The following GDPD1 variants were observed in gnomAD, a reference collection of about 807,000 sequenced individuals.
GDPD1 encodes the protein glycerophosphodiester phosphodiesterase domain containing 1, also known as lysophospholipase D GDPD1.
GDPD1 carries 28 observed loss-of-function variants against 45.1 expected under a neutral mutation model. The observed-to-expected ratio is 0.62, with a 90% CI of 0.46 to 0.85. GDPD1 has a LOEUF of 0.85. GDPD1 is among the 40% of genes least tolerant of loss of function. GDPD1 has a pLI of 0.00. For synonymous variants in GDPD1, 139 were observed against 131.4 expected, an observed-to-expected ratio of 1.06 and a Z score of -0.40; for missense variants, 256 against 364.8, an observed-to-expected ratio of 0.70 and a Z score of 2.43.
intron 4 of GDPD1, among the ~76,000 whole-genome samples, chr17:59,250,217 T>G (rs2047242460): frequency 6.6e-6 from 1 of 152,224 alleles, no homozygotes; most frequent in African/African-American, 2.4e-5. Flanking sequence ...CTTGCCAAAC[T>G]ATTGTAATAT....
At chr17:59,273,295 T>G (rs1042425776) in intron 9 of GDPD1, among the ~76,000 whole-genome samples, 1 of 151,996 alleles carries the variant, frequency 6.6e-6, no homozygotes, top group Non-Finnish European at 1.5e-5. Context: ...ACCTGGCTAA[T>G]TTTTGTATTT....
At chr17:59,257,041 G>T in intron 4 of GDPD1, 81 bp from the exon 5 acceptor site, 1 of 617,878 alleles carries the variant, frequency 1.6e-6, no homozygotes, top group South Asian at 2.6e-5. Flanking sequence ...GTCCTTTAAT[G>T]AATATATACA....
intron 2 of GDPD1, among the ~76,000 whole-genome samples, chr17:59,238,075 AC>A (rs1175161463): frequency 2.0e-5 from 3 of 151,412 alleles, no homozygotes; most frequent in Non-Finnish European, 4.4e-5. Flanking sequence ...TTGAGACCAG[AC>A]TGACCAACAC....
At chr17:59,255,797 G>A (rs1210785434) in intron 4 of GDPD1, among the ~76,000 whole-genome samples, 15,107 of 48,338 alleles carry the variant, frequency 0.31, 3,027 homozygotes, top group African/African-American at 0.51. Context: ...GCGTATATAT[G>A]TATATATATA....
At chr17:59,231,324 C>CTTTTTTTTTT (rs557850341) in intron 1 of GDPD1, among the ~76,000 whole-genome samples, 11 of 114,392 alleles carry the variant, frequency 9.6e-5, no homozygotes, top group African/African-American at 2.5e-4. Context: ...TTCTTTCTTT[C>CTTTTTTTTTT]TTTTTTTTTT....
chr17:59,270,206 T>C (rs2047434008), intron 7 of GDPD1, among the ~76,000 whole-genome samples: 1 of 152,004 alleles, frequency 6.6e-6, no homozygotes, highest in Non-Finnish European at 1.5e-5. Context: ...ACTTTTTTTT[T>C]TTTTTGAGAC....
At chr17:59,259,411 C>CA (rs2047335106) in intron 6 of GDPD1, among the ~76,000 whole-genome samples, 1 of 151,344 alleles carries the variant, frequency 6.6e-6, no homozygotes, top group Non-Finnish European at 1.5e-5. Context: ...ACTAAAAATA[C>CA]AAAAAATTAG....
chr17:59,230,469 G>A (rs566188005), intron 1 of GDPD1, among the ~76,000 whole-genome samples: 12 of 133,592 alleles, frequency 9.0e-5, no homozygotes, highest in South Asian at 7.8e-4. Context: ...TGCAACCTCC[G>A]CCTCCCGGGT....
At chr17:59,264,132 G>C (rs577444585) in intron 6 of GDPD1, among the ~76,000 whole-genome samples, 2 of 152,020 alleles carry the variant, frequency 1.3e-5, no homozygotes, top group Non-Finnish European at 2.9e-5. Context: ...CTGAGTAGCT[G>C]GGATTACAGG....
At chr17:59,221,328 C>A (rs1413375389) in intron 1 of GDPD1, among the ~76,000 whole-genome samples, 1 of 151,846 alleles carries the variant, frequency 6.6e-6, no homozygotes, top group Non-Finnish European at 1.5e-5. Flanking sequence ...TCCCCCGAGC[C>A]AGGGACATTT....
At chr17:59,248,047 C>A (rs1367786003) in intron 3 of GDPD1, among the ~76,000 whole-genome samples, 1 of 151,754 alleles carries the variant, frequency 6.6e-6, no homozygotes, top group Non-Finnish European at 1.5e-5. Context: ...ATAACGTTTT[C>A]TCTATTCTAA....
intron 7 of GDPD1, among the ~76,000 whole-genome samples, chr17:59,267,818 C>T (rs1468306211): frequency 6.6e-6 from 1 of 151,802 alleles, no homozygotes; most frequent in East Asian, 1.9e-4. Context: ...TATAGGCGCC[C>T]ACCACCTTGC....
intron 2 of GDPD1, 49 bp from the exon 3 acceptor site, chr17:59,245,365 C>A (rs1168483397): frequency 1.3e-6 from 2 of 1,528,972 alleles, no homozygotes; most frequent in Admixed American, 3.8e-5. Context: ...TGCATGTAAC[C>A]CAAATGTATA....
chr17:59,272,875 C>G (rs531664396), intron 9 of GDPD1, 39 bp downstream of exon 9: 19 of 1,613,390 alleles, frequency 1.2e-5, no homozygotes, highest in African/African-American at 1.1e-4. Flanking sequence ...AGCAGCATAG[C>G]TCACCAGTTT....
Position 59,262,084 on chromosome 17 carries a change from A to AT in GDPD1, c.576+4253dup, listed in dbSNP as rs535011455. ...AGGCGCCCGCCACTACGCCCGGCTA[A>AT]TTTTTTTTTGTATTTTTAGTAGAGA... is the stretch of plus-strand genomic sequence containing the variant. On this transcript the variant is annotated intron_variant, in intron 6 of 9. Coordinates refer to ENST00000284116, the MANE Select transcript of GDPD1 (RefSeq NM_182569.4). Among the ~76,000 whole-genome samples, 340 of 148,492 alleles carry AT rather than the reference A, an allele frequency of 2.3e-3. 1 individual carries two copies. Among genetic ancestry groups the AT allele is most frequent in the African/African-American group, 7.1e-3 (286 of 40,298 alleles).
chr17:59,255,815 G>GTATATA (rs370143587), intron 4 of GDPD1, among the ~76,000 whole-genome samples: 1 of 49,180 alleles, frequency 2.0e-5, no homozygotes, highest in Non-Finnish European at 3.2e-5. Context: ...ATATATACGC[G>GTATATA]TATATATATA....
At chr17:59,259,566 CA>C (rs71367681) in intron 6 of GDPD1, among the ~76,000 whole-genome samples, 2,045 of 24,866 alleles carry the variant, frequency 0.082, 6 homozygotes, top group Non-Finnish European at 0.1. Flanking sequence ...GACTCTGTCT[CA>C]AAAAAAAAAA....
chr17:59,224,636 A>C (rs2047033081), intron 1 of GDPD1, among the ~76,000 whole-genome samples: 1 of 146,254 alleles, frequency 6.8e-6, no homozygotes, highest in Admixed American at 6.9e-5. Context: ...AAAAAAAAAA[A>C]AAACAAAAAA....
At chr17:59,271,855 G>A (rs1055457941) in intron 8 of GDPD1, among the ~76,000 whole-genome samples, 4 of 151,756 alleles carry the variant, frequency 2.6e-5, no homozygotes, top group Non-Finnish European at 4.4e-5. Flanking sequence ...GGCTGATCTC[G>A]AACTCCTGGC....
Sources: allele counts gnomAD v4.1 joint callset (sites outside exome capture counted in the v4.1 genomes callset), GRCh38; gene constraint gnomAD v4.1.1; transcripts MANE v1.5; gene names NCBI Gene and HGNC (gene_info 2026-07-23, HGNC 2026-07-21).